The following NEDD1 variants were observed in gnomAD, a reference collection of about 807,000 sequenced individuals.
NEDD1 encodes the protein protein NEDD1.
Under a neutral mutation model 74.0 loss-of-function variants are expected in NEDD1, and 33 were observed. The ratio of observed to expected loss-of-function variants is 0.45; its 90% confidence interval spans 0.34 to 0.60. NEDD1 has a LOEUF of 0.60. Ranked by LOEUF, NEDD1 falls within the 20% of genes least tolerant of loss-of-function variation. The pLI, the probability that NEDD1 is intolerant of heterozygous loss-of-function variation, is 0.01. For synonymous variants in NEDD1, 250 were observed against 264.4 expected (o/e 0.95, Z 0.53); for missense variants, 746 against 776.5 (o/e 0.96, Z 0.47).
chr12:96,939,778 G>A (rs928951954), intron 9 of NEDD1, among the ~76,000 whole-genome samples: 4 of 151,894 alleles, frequency 2.6e-5, no homozygotes, highest in African/African-American at 9.7e-5. Flanking sequence ...CTTTATTGTT[G>A]TCTACCTTAC....
intron 4 of NEDD1, 85 bp from the exon 5 acceptor site, chr12:96,917,536 A>G (rs751745008): frequency 1.4e-5 from 19 of 1,359,548 alleles, no homozygotes; most frequent in Non-Finnish European, 1.8e-5. Context: ...TATTTATCAT[A>G]TGCTTACTAA....
At chr12:96,939,110 T>A (rs1877411722) in intron 9 of NEDD1, among the ~76,000 whole-genome samples, 2 of 152,046 alleles carry the variant, frequency 1.3e-5, no homozygotes, top group African/African-American at 4.8e-5. Context: ...CTATTATTAT[T>A]TTAAGCTTTG....
intron 14 of NEDD1, among the ~76,000 whole-genome samples, chr12:96,946,780 G>A (rs1228557651): frequency 6.6e-6 from 1 of 152,132 alleles, no homozygotes; most frequent in Non-Finnish European, 1.5e-5. Flanking sequence ...ACAATATGAT[G>A]AGGAAATTTT....
Position 96,937,441 on chromosome 12 carries a change from G to T in NEDD1, c.1117+48G>T, listed in dbSNP as rs10431408. The T allele has an allele frequency of 9.4e-3, 9,593 of 1,018,702 alleles. 7 individuals carry two copies. The highest frequency in any genetic ancestry group is 0.012 in the South Asian group (519 of 43,250). The allele number at this position is 1,018,702 out of a possible 1,614,324, so 63.1% of individuals were successfully genotyped here. A position where few individuals can be genotyped will look rare whatever the true frequency, so the allele number is the denominator to read the frequency against. The stretch of plus-strand genomic sequence containing the variant: ...TGGAGGGTTGGTTTGTTTTTTTTTT[G>T]TTTTTTTGTTTTTGGCTTGCATATA... On this transcript the variant is annotated intron_variant, in intron 9 of 15. Transcript: ENST00000266742.
chr12:96,926,988 TTGTGTG>T (rs58398494), intron 6 of NEDD1, among the ~76,000 whole-genome samples: 4 of 147,816 alleles, frequency 2.7e-5, no homozygotes, highest in Non-Finnish European at 4.5e-5. Flanking sequence ...AAAAAAAAAA[TTGTGTG>T]TGTGTGTGTG....
intron 10 of NEDD1, 33 bp downstream of exon 10, chr12:96,940,570 T>C: frequency 6.7e-7 from 1 of 1,501,266 alleles, no homozygotes; most frequent in Non-Finnish European, 9.1e-7. Context: ...GTTCTCTTGC[T>C]GGTAGTTAAT....
At chr12:96,930,199 ACACACACACACACTCT>A (rs1272386217) in intron 6 of NEDD1, among the ~76,000 whole-genome samples, 77 of 63,496 alleles carry the variant, frequency 1.2e-3, no homozygotes, top group East Asian at 2.3e-3. Flanking sequence ...ACACACACAC[ACACACACACACACTCT>A]CTCTCTCTCT....
At chr12:96,920,680 A>T (rs1396998269) in intron 6 of NEDD1, among the ~76,000 whole-genome samples, 1 of 152,236 alleles carries the variant, frequency 6.6e-6, no homozygotes, top group Non-Finnish European at 1.5e-5. Flanking sequence ...AAAAATGTTC[A>T]AAAGAATAAA....
At chr12:96,925,462 C>T (rs542721285) in intron 6 of NEDD1, among the ~76,000 whole-genome samples, 31 of 152,254 alleles carry the variant, frequency 2.0e-4, no homozygotes, top group African/African-American at 7.2e-4. Context: ...GATTCCAGGA[C>T]TTTCAGATCA....
intron 6 of NEDD1, among the ~76,000 whole-genome samples, chr12:96,921,626 G>T (rs797012114): frequency 8.6e-5 from 13 of 151,690 alleles, no homozygotes; most frequent in African/African-American, 2.9e-4. Flanking sequence ...AGATGACAAA[G>T]ATTTTGTTAG....
intron 6 of NEDD1, among the ~76,000 whole-genome samples, chr12:96,933,818 C>G (rs1876802599): frequency 6.6e-6 from 1 of 151,888 alleles, no homozygotes. Flanking sequence ...AATTTTCCGC[C>G]TAGTAAATGA....
At chr12:96,909,618 T>A (rs1035171486) in intron 2 of NEDD1, 134 bp from the exon 3 acceptor site, 2 of 663,508 alleles carry the variant, frequency 3.0e-6, no homozygotes, top group Non-Finnish European at 5.1e-6. Flanking sequence ...TCACTTCAAC[T>A]GCTTTGGTGA....
chr12:96,940,906 T>C (rs1354008183), intron 10 of NEDD1, among the ~76,000 whole-genome samples: 1 of 152,064 alleles, frequency 6.6e-6, no homozygotes, highest in Admixed American at 6.6e-5. Flanking sequence ...TTTAAAAAAT[T>C]GTGTGTGTAT....
At chr12:96,941,326 A>G (rs1398082571) in intron 10 of NEDD1, among the ~76,000 whole-genome samples, 2 of 152,042 alleles carry the variant, frequency 1.3e-5, no homozygotes, top group African/African-American at 4.8e-5. Flanking sequence ...TTCATTTTTT[A>G]CTTTAAAATT....
intron 12 of NEDD1, 101 bp downstream of exon 12, chr12:96,943,863 C>T (rs992429896): frequency 1.5e-6 from 1 of 673,426 alleles, no homozygotes; most frequent in Non-Finnish European, 2.5e-6. Context: ...TTGCTATGCA[C>T]TTATTCATAA....
intron 6 of NEDD1, among the ~76,000 whole-genome samples, chr12:96,932,489 A>ATATATATATATATATAG (rs1201702643): frequency 8.5e-5 from 5 of 58,508 alleles, no homozygotes; most frequent in South Asian, 1.3e-3. Flanking sequence ...TATATATATA[A>ATATATATATATATATAG]AATGCACACA....
At position 96,952,790 on chromosome 12, in the gene NEDD1, C is replaced by T. The variant is rs922361348; in HGVS notation, c.*737C>T. 8.6e-5 allele frequency: 13 copies of T among 151,602 alleles called. No individual in the cohort carries two copies. The highest frequency in any genetic ancestry group is 1.6e-4 in the Non-Finnish European group (11 of 67,670). 9.4% of individuals were successfully genotyped at this position (151,602 alleles called of 1,614,324 possible). On this transcript the variant is annotated 3_prime_UTR_variant, in exon 16 of 16. Transcript: ENST00000266742. ...TGATTTTCTCATTAGTAACATGCAA[C>T]GTTGTACTGCAAAATTTCAATCAAC...
At chr12:96,937,430 GTTTTTTTTTTGT>G in intron 9 of NEDD1, 37 bp downstream of exon 9, 1 of 1,112,504 alleles carries the variant, frequency 9.0e-7, no homozygotes. Context: ...GGGTTGGTTT[GTTTTTTTTTTGT>G]TTTTTTGTTT....
intron 9 of NEDD1, among the ~76,000 whole-genome samples, chr12:96,939,470 A>C (rs1321537483): frequency 6.6e-6 from 1 of 152,040 alleles, no homozygotes; most frequent in Non-Finnish European, 1.5e-5. Context: ...AGAAAAGTTT[A>C]TTTTATTCGC....
Sources: gnomAD v4.1 joint callset for allele counts (sites outside exome capture counted in the v4.1 genomes callset) on GRCh38, gnomAD v4.1.1 for gene constraint, MANE v1.5 for transcripts, NCBI Gene and HGNC (gene_info 2026-07-23, HGNC 2026-07-21) for gene names.